The following SV2C variants were observed in gnomAD, a reference collection of about 807,000 sequenced individuals.
SV2C encodes solute carrier family 22 member B3.
A neutral mutation model predicts 79.7 loss-of-function variants in SV2C; 49 were observed. The observed-to-expected ratio is 0.61, with a 90% CI of 0.49 to 0.78. SV2C has a LOEUF of 0.78. Ranked by LOEUF, SV2C falls within the 30% of genes least tolerant of loss-of-function variation. The pLI is 0.00. For synonymous variants in SV2C, 334 were observed against 333.2 expected (o/e 1.00, Z -0.03); for missense variants, 833 against 912.9 (o/e 0.91, Z 1.13).
the SV2C span, among the ~76,000 whole-genome samples, chr5:76,023,717 G>GGGT: frequency 2.4e-5 from 1 of 41,688 alleles, no homozygotes; most frequent in Non-Finnish European, 4.0e-5. Flanking sequence ...TGTTTGTTCA[G>GGGT]AGTTTTCTAT....
chr5:75,851,762 G>T, the SV2C span, among the ~76,000 whole-genome samples: 1 of 152,152 alleles, frequency 6.6e-6, no homozygotes, highest in Non-Finnish European at 1.5e-5. Flanking sequence ...TGCCTCCGCT[G>T]CCTCAGCCTC....
At chr5:76,191,830 C>G (rs918938933) in intron 2 of SV2C, among the ~76,000 whole-genome samples, 3 of 152,216 alleles carry the variant, frequency 2.0e-5, no homozygotes, top group African/African-American at 7.2e-5. Flanking sequence ...AGGTCAGGTT[C>G]AACCTCCTGA....
At chr5:76,123,580 A>G (rs1748608196) in intron 1 of SV2C, among the ~76,000 whole-genome samples, 1 of 152,232 alleles carries the variant, frequency 6.6e-6, no homozygotes, top group Admixed American at 6.5e-5. Context: ...AATATATGCA[A>G]ATCAATAAAT....
At chr5:75,956,927 C>T in the SV2C span, among the ~76,000 whole-genome samples, 30 of 152,044 alleles carry the variant, frequency 2.0e-4, no homozygotes, top group Admixed American at 1.5e-3. Flanking sequence ...CACATACCTT[C>T]CCTTGTAACT....
At chr5:75,962,322 G>A in the SV2C span, among the ~76,000 whole-genome samples, 1 of 152,086 alleles carries the variant, frequency 6.6e-6, no homozygotes, top group African/African-American at 2.4e-5. Context: ...CAGATGCAAG[G>A]GTGGTTGCAT....
chr5:76,291,314 C>T lies in SV2C; in HGVS notation c.1231C>T (p.Arg411Cys), dbSNP rs770526223. Reference protein sequence around the residue: ...TWYRRCFVRIRTELYGIWLTF... With the variant: ...TWYRRCFVRICTELYGIWLTF... ...GTATAGGAGGTGTTTTGTTCGGATC[C>T]GCACCGAGCTGTACGGAGTAAGTAA... Residue 411 changes from arginine (R) to cysteine (C), a missense_variant, in exon 7 of 13, where the codon CGC (arginine) becomes TGC (cysteine). Arg to Cys is a radical substitution (Grantham distance 180). Transcript: ENST00000502798. 4.6e-5 allele frequency: 74 copies of T among 1,610,712 alleles called. No individual in the cohort carries two copies. The highest frequency in any genetic ancestry group is 6.7e-5 in the East Asian group (3 of 44,814).
the SV2C span, among the ~76,000 whole-genome samples, chr5:75,849,940 T>A: frequency 1.3e-5 from 2 of 152,140 alleles, no homozygotes; most frequent in African/African-American, 4.8e-5. Context: ...TAAAATCTCA[T>A]GTTTATAGTT....
At chr5:76,141,331 T>A (rs1749243478) in intron 2 of SV2C, among the ~76,000 whole-genome samples, 1 of 152,158 alleles carries the variant, frequency 6.6e-6, no homozygotes, top group South Asian at 2.1e-4. Flanking sequence ...GGCAGATTTC[T>A]CTATTTCTAC....
rs115589232 is a variant in SV2C, at chr5:76,220,827, G to A, written c.913+10940G>A. 7.4e-3 allele frequency among the ~76,000 whole-genome samples: 1,122 copies of A among 152,176 alleles called. 16 individuals are homozygous for A. The highest frequency in any genetic ancestry group is 0.026 in the African/African-American group (1,067 of 41,506). On this transcript the variant is annotated intron_variant, in intron 4 of 12. Coordinates refer to ENST00000502798, the MANE Select transcript of SV2C (RefSeq NM_014979.4). ...CCATTCGTAGCATGTTCCAACTGTA[G>A]GGTTGGAATTCTAGGCAGCACAAAG...
chr5:76,347,065 A>T (rs1235446463), intron 12 of SV2C, among the ~76,000 whole-genome samples: 4 of 152,146 alleles, frequency 2.6e-5, no homozygotes, highest in African/African-American at 9.7e-5. Context: ...GGGAAAAAAG[A>T]GGGGGGAAAA....
At chr5:75,947,246 C>T in the SV2C span, among the ~76,000 whole-genome samples, 1 of 151,978 alleles carries the variant, frequency 6.6e-6, no homozygotes, top group Admixed American at 6.6e-5. Flanking sequence ...GGAGTGGAAT[C>T]CCCAATTCCC....
At chr5:76,222,648 A>C (rs1176077238) in intron 4 of SV2C, among the ~76,000 whole-genome samples, 2 of 152,246 alleles carry the variant, frequency 1.3e-5, no homozygotes, top group Non-Finnish European at 2.9e-5. Context: ...ATGTAAGATT[A>C]ACCATTGAGG....
chr5:75,938,376 T>A, the SV2C span, among the ~76,000 whole-genome samples: 1 of 152,212 alleles, frequency 6.6e-6, no homozygotes, highest in South Asian at 2.1e-4. Context: ...CCATTCATAA[T>A]ACTGATAAAG....
chr5:76,226,418 T>C (rs907949806), intron 4 of SV2C, among the ~76,000 whole-genome samples: 22 of 152,186 alleles, frequency 1.4e-4, no homozygotes, highest in African/African-American at 5.3e-4. Flanking sequence ...CATACAGATA[T>C]TAAAGCCCAG....
chr5:75,873,650 A>T, the SV2C span, among the ~76,000 whole-genome samples: 4 of 152,170 alleles, frequency 2.6e-5, no homozygotes, highest in Admixed American at 6.6e-5. Context: ...CTTAAAATTT[A>T]AAAAAATTAC....
the SV2C span, among the ~76,000 whole-genome samples, chr5:76,049,998 A>G: frequency 6.6e-6 from 1 of 152,210 alleles, no homozygotes; most frequent in Non-Finnish European, 1.5e-5. Context: ...TTAATTGTGT[A>G]ATTTTGAGCA....
chr5:75,932,294 T>G, the SV2C span, among the ~76,000 whole-genome samples: 89,656 of 152,102 alleles, frequency 0.59, 27,879 homozygotes, highest in African/African-American at 0.8. Flanking sequence ...GCTGCAGAGC[T>G]TCACATGGGA....
intron 2 of SV2C, among the ~76,000 whole-genome samples, chr5:76,147,004 T>C (rs1320029080): frequency 1.3e-5 from 2 of 152,026 alleles, no homozygotes; most frequent in African/African-American, 4.8e-5. Flanking sequence ...AGATGGGGAA[T>C]GGATTAGAAT....
the SV2C span, among the ~76,000 whole-genome samples, chr5:75,994,691 T>A: frequency 2.0e-5 from 3 of 152,254 alleles, no homozygotes; most frequent in Non-Finnish European, 4.4e-5. Flanking sequence ...AGGTGAGGTA[T>A]TATTCAGGAT....
Sources: allele counts gnomAD v4.1 joint callset (sites outside exome capture counted in the v4.1 genomes callset), GRCh38; gene constraint gnomAD v4.1.1; transcripts MANE v1.5; gene names NCBI Gene and HGNC (gene_info 2026-07-23, HGNC 2026-07-21).